CDH13: variants seen among roughly 807,000 people sequenced by gnomAD.
CDH13 encodes the protein cadherin-13.
In CDH13, 24 loss-of-function variants were observed where a neutral mutation model predicts 63.8. The ratio of observed to expected loss-of-function variants is 0.38; its 90% confidence interval spans 0.27 to 0.53. The LOEUF (loss-of-function observed/expected upper bound fraction) is 0.53. CDH13 is among the 20% of genes least tolerant of loss of function. The pLI is 0.85. For missense variants in CDH13, 1,049 were observed against 903.1 expected, an observed-to-expected ratio of 1.16 and a Z score of -2.07; for synonymous variants, 503 against 355.3, an observed-to-expected ratio of 1.42 and a Z score of -4.67.
Position 83,284,907 on chromosome 16 carries a change from TGGA to T in CDH13, c.637-59954_637-59952del, listed in dbSNP as rs1056528459. On this transcript the variant is annotated intron_variant, in intron 5 of 13. Coordinates refer to ENST00000567109, the MANE Select transcript of CDH13 (RefSeq NM_001257.5). ...GATTTTTGTAATAAAGTGAACAAAC[TGGA>T]TAGGTTCTCTTGAGCTGGTTACAGC... is the stretch of plus-strand genomic sequence containing the variant. 4.7e-4 allele frequency among the ~76,000 whole-genome samples: 72 copies of T among 152,350 alleles called. 1 individual carries two copies. The highest frequency in any genetic ancestry group is 1.7e-3 in the African/African-American group (71 of 41,596).
intron 1 of CDH13, among the ~76,000 whole-genome samples, chr16:82,755,858 A>G (rs907758267): frequency 6.6e-6 from 1 of 152,230 alleles, no homozygotes; most frequent in African/African-American, 2.4e-5. Flanking sequence ...TCATGTCAAA[A>G]TGGTGGTAGT....
At chr16:82,750,612 G>A (rs2034374408) in intron 1 of CDH13, among the ~76,000 whole-genome samples, 1 of 152,176 alleles carries the variant, frequency 6.6e-6, no homozygotes, top group Non-Finnish European at 1.5e-5. Context: ...AAAGTCTCAG[G>A]TGGAGAAGGA....
At chr16:83,772,540 G>A (rs1309180172) in intron 11 of CDH13, among the ~76,000 whole-genome samples, 1 of 152,226 alleles carries the variant, frequency 6.6e-6, no homozygotes, top group Non-Finnish European at 1.5e-5. Context: ...AAGAAACTCT[G>A]ACCATAAAGA....
intron 8 of CDH13, among the ~76,000 whole-genome samples, chr16:83,623,049 A>G (rs972478461): frequency 6.6e-6 from 1 of 152,240 alleles, no homozygotes; most frequent in African/African-American, 2.4e-5. Flanking sequence ...AGGTCAGCTC[A>G]TGAAGTGACA....
At chr16:83,045,577 C>T (rs960022287) in intron 3 of CDH13, among the ~76,000 whole-genome samples, 8 of 138,058 alleles carry the variant, frequency 5.8e-5, no homozygotes, top group Non-Finnish European at 9.0e-5. Flanking sequence ...GCAGAGGTCA[C>T]AGTGATCCAA....
At chr16:83,259,846 C>T (rs1176400983) in intron 5 of CDH13, among the ~76,000 whole-genome samples, 1 of 152,110 alleles carries the variant, frequency 6.6e-6, no homozygotes, top group African/African-American at 2.4e-5. Context: ...TGAACCACAG[C>T]ACCCCTTCAA....
At position 82,836,630 on chromosome 16, in the gene CDH13, C is replaced by T. The variant is rs557368467; in HGVS notation, c.46-21732C>T. Among the ~76,000 whole-genome samples the T allele has an allele frequency of 1.4e-3, 217 of 152,216 alleles. 4 individuals are homozygous for T. Among genetic ancestry groups the T allele is most frequent in the Non-Finnish European group, 1.1e-3 (78 of 67,990 alleles). ...AGTTCTGGTATAATGGAAATGACAG[C>T]GTCTTGGCATTTTTTACTGCTGCCT... On this transcript the variant is annotated intron_variant, in intron 1 of 13. Transcript: ENST00000567109.
At chr16:83,092,978 G>T (rs1373730573) in intron 3 of CDH13, among the ~76,000 whole-genome samples, 2 of 152,150 alleles carry the variant, frequency 1.3e-5, no homozygotes, top group East Asian at 3.9e-4. Context: ...AGTAAGGAAG[G>T]CACTGTGATA....
At chr16:83,446,019 T>G (rs1290575785) in intron 6 of CDH13, among the ~76,000 whole-genome samples, 1 of 151,924 alleles carries the variant, frequency 6.6e-6, no homozygotes, top group Non-Finnish European at 1.5e-5. Context: ...ATGAGGAAGG[T>G]CAGGTGCTGT....
At chr16:83,371,266 T>A (rs2091362053) in intron 6 of CDH13, among the ~76,000 whole-genome samples, 1 of 152,240 alleles carries the variant, frequency 6.6e-6, no homozygotes. Flanking sequence ...CCATGGCCTT[T>A]CTTTTTAAAT....
chr16:83,135,471 CA>C (rs1220528063), intron 4 of CDH13, among the ~76,000 whole-genome samples: 3 of 152,194 alleles, frequency 2.0e-5, no homozygotes, highest in African/African-American at 7.2e-5. Flanking sequence ...TGAGCATGAC[CA>C]AGGTGCAGAA....
chr16:83,770,969 C>G (rs1914720488), intron 11 of CDH13, among the ~76,000 whole-genome samples: 1 of 152,160 alleles, frequency 6.6e-6, no homozygotes, highest in Non-Finnish European at 1.5e-5. Flanking sequence ...TGGAGTTGCT[C>G]TGATTTCAAT....
At chr16:83,152,691 G>C (rs776719764) in intron 4 of CDH13, among the ~76,000 whole-genome samples, 11 of 152,148 alleles carry the variant, frequency 7.2e-5, no homozygotes, top group Non-Finnish European at 1.0e-4. Context: ...GGACAAACAC[G>C]CTATGTGGTT....
At chr16:83,176,863 G>A (rs960494954) in intron 4 of CDH13, among the ~76,000 whole-genome samples, 1 of 152,150 alleles carries the variant, frequency 6.6e-6, no homozygotes, top group African/African-American at 2.4e-5. Flanking sequence ...GTCTGAGCGA[G>A]CCCTTAGTTA....
At chr16:83,490,009 C>CCA (rs10666213) in intron 7 of CDH13, among the ~76,000 whole-genome samples, 54,230 of 137,006 alleles carry the variant, frequency 0.4, 10,729 homozygotes, top group East Asian at 0.67. Flanking sequence ...GCTGCAGAAA[C>CCA]CACACACACA....
chr16:82,689,442 T>C (rs577442417), intron 1 of CDH13, among the ~76,000 whole-genome samples: 4 of 152,326 alleles, frequency 2.6e-5, no homozygotes, highest in Admixed American at 2.6e-4. Context: ...TCCTTTTACA[T>C]AACATTGGAT....
At chr16:83,667,584 C>T (rs902628605) in intron 8 of CDH13, among the ~76,000 whole-genome samples, 1 of 152,100 alleles carries the variant, frequency 6.6e-6, no homozygotes, top group Non-Finnish European at 1.5e-5. Context: ...TATCACAGTG[C>T]TAGGACCCTA....
At chr16:83,604,518 A>C (rs1057373468) in intron 8 of CDH13, among the ~76,000 whole-genome samples, 1 of 152,154 alleles carries the variant, frequency 6.6e-6, no homozygotes, top group Non-Finnish European at 1.5e-5. Flanking sequence ...TAACTGCAGG[A>C]TTTCTGATTA....
chr16:83,484,283 G>A (rs2073837742), intron 6 of CDH13, among the ~76,000 whole-genome samples: 1 of 152,212 alleles, frequency 6.6e-6, no homozygotes, highest in African/African-American at 2.4e-5. Context: ...CTTTCCTTTA[G>A]GCTTCAGTGT....
Sources: gnomAD v4.1 joint callset for allele counts (sites outside exome capture counted in the v4.1 genomes callset) on GRCh38, gnomAD v4.1.1 for gene constraint, MANE v1.5 for transcripts, NCBI Gene and HGNC (gene_info 2026-07-23, HGNC 2026-07-21) for gene names.